The following RGSL1 variants were observed in gnomAD, a reference collection of about 807,000 sequenced individuals.
The protein encoded by RGSL1 is regulator of G protein signaling like 1, also known as regulator of G protein signaling protein-like.
In RGSL1, 97 loss-of-function variants were observed where a neutral mutation model predicts 124.7. The ratio of observed to expected loss-of-function variants is 0.78; its 90% CI spans 0.66 to 0.92. The LOEUF is 0.92. RGSL1 is among the 40% of genes least tolerant of loss of function. The pLI is 0.00. For synonymous variants in RGSL1, 424 were observed against 438.1 expected (o/e 0.97, Z 0.40); for missense variants, 1,233 against 1,288.4 (o/e 0.96, Z 0.66).
chr1:182,501,238 G>T (rs146989477), intron 9 of RGSL1, among the ~76,000 whole-genome samples: 9 of 140,556 alleles, frequency 6.4e-5, no homozygotes, highest in African/African-American at 2.4e-4. Context: ...CAATTGAGAT[G>T]ATTTTCGTCC....
At position 182,554,846 on chromosome 1, in the gene RGSL1, G is replaced by T. The variant is rs554946833; in HGVS notation, c.3197+153G>T. On this transcript the variant is annotated intron_variant, in intron 20 of 21. Coordinates refer to ENST00000294854, the MANE Select transcript of RGSL1 (RefSeq NM_001137669.2). Reference sequence around the variant, plus strand: ...AAACTGAGCTTGCTGCCTCTGGTGGGAAGTTAAAGAGGTGTTTCTCTGTGG... The same window carrying T: ...AAACTGAGCTTGCTGCCTCTGGTGGTAAGTTAAAGAGGTGTTTCTCTGTGG... 26 of 716,126 alleles carry T rather than the reference G, an allele frequency of 3.6e-5. No homozygotes were observed. In the African/African-American group the frequency reaches 4.1e-4, roughly 11 times the overall value. 44.4% of individuals were successfully genotyped at this position (716,126 alleles called of 1,614,324 possible).
chr1:182,490,027 T>G (rs1655402665), intron 8 of RGSL1, among the ~76,000 whole-genome samples: 3 of 152,194 alleles, frequency 2.0e-5, no homozygotes, highest in Admixed American at 2.0e-4. Flanking sequence ...TATATACCTG[T>G]GTATATGTGT....
Position 182,554,523 on chromosome 1 carries a change from G to T in RGSL1, c.3131-104G>T. The T allele has an allele frequency of 3.3e-6, 3 of 916,196 alleles. No homozygotes were observed. In the South Asian group the frequency reaches 4.3e-5, roughly 13 times the overall value. 56.8% of individuals were successfully genotyped at this position (916,196 alleles called of 1,614,324 possible). A position where few individuals can be genotyped will look rare whatever the true frequency, so the allele number is the denominator to read the frequency against. On this transcript the variant is annotated intron_variant, in intron 19 of 21. Transcript: ENST00000294854. ...ACTTTCCAACCCCTACATTGGAGGT[G>T]TCCGTGGAAGCCCACCCAGCATGGT...
chr1:182,459,164 A>C (rs1652597050), intron 3 of RGSL1, among the ~76,000 whole-genome samples: 1 of 152,204 alleles, frequency 6.6e-6, no homozygotes, highest in African/African-American at 2.4e-5. Flanking sequence ...ATATACATCA[A>C]GATAAGATGC....
intron 6 of RGSL1, among the ~76,000 whole-genome samples, chr1:182,486,484 G>A (rs1390748185): frequency 6.6e-6 from 1 of 151,526 alleles, no homozygotes; most frequent in Non-Finnish European, 1.5e-5. Flanking sequence ...CCTCCCATAG[G>A]TGCACGCCAC....
intron 1 of RGSL1, among the ~76,000 whole-genome samples, chr1:182,452,292 G>C (rs536420736): frequency 1.3e-5 from 2 of 152,122 alleles, no homozygotes; most frequent in Non-Finnish European, 2.9e-5. Context: ...ATATGGAATA[G>C]ATTAAATAAA....
chr1:182,494,642 G>C (rs1282671344), intron 9 of RGSL1, among the ~76,000 whole-genome samples: 1 of 152,084 alleles, frequency 6.6e-6, no homozygotes, highest in African/African-American at 2.4e-5. Flanking sequence ...GATGGTAAAT[G>C]GAACACTTCT....
chr1:182,487,741 C>T (rs966042802), intron 6 of RGSL1, among the ~76,000 whole-genome samples: 2 of 152,196 alleles, frequency 1.3e-5, no homozygotes, highest in Admixed American at 6.5e-5. Flanking sequence ...GTGCCTGACA[C>T]ATAGGAGGCA....
At chr1:182,461,517 T>A (rs2102000349) in intron 4 of RGSL1, among the ~76,000 whole-genome samples, 1 of 151,718 alleles carries the variant, frequency 6.6e-6, no homozygotes, top group Middle Eastern at 3.4e-3. Flanking sequence ...CTAAAGAAGC[T>A]GTCCTTGAGA....
chr1:182,501,773 G>A lies in RGSL1; in HGVS notation c.1825+8644G>A, dbSNP rs979086534. Among the ~76,000 whole-genome samples, 9 of 152,258 alleles carry A rather than the reference G, an allele frequency of 5.9e-5. 1 individual carries two copies. The highest frequency in any genetic ancestry group is 3.4e-3 in the Middle Eastern group (1 of 294). ...TAGGATCATGCTGACCTCAGAATGA[G>A]TTAGGAAGCATCTCCTCCTCTTCAA... On this transcript the variant is annotated intron_variant, in intron 9 of 21. Transcript: ENST00000294854.
intron 9 of RGSL1, among the ~76,000 whole-genome samples, chr1:182,515,591 T>C (rs947372426): frequency 3.3e-5 from 5 of 151,296 alleles, no homozygotes; most frequent in African/African-American, 9.7e-5. Context: ...GAAGAACTTC[T>C]TGCTTTGAGC....
chr1:182,536,403 G>T (rs1368583798), intron 14 of RGSL1, among the ~76,000 whole-genome samples: 1 of 152,128 alleles, frequency 6.6e-6, no homozygotes, highest in Non-Finnish European at 1.5e-5. Context: ...TACCATTTTT[G>T]CATTTTCACC....
intron 6 of RGSL1, among the ~76,000 whole-genome samples, chr1:182,479,761 CAGAT>C (rs764436033): frequency 1.0e-3 from 152 of 152,208 alleles, no homozygotes; most frequent in Admixed American, 2.2e-3. Flanking sequence ...TTTAAGAACA[CAGAT>C]AGGCTGAAAG....
chr1:182,557,039 T>C (rs1304601245), intron 21 of RGSL1, among the ~76,000 whole-genome samples: 1 of 152,158 alleles, frequency 6.6e-6, no homozygotes, highest in Admixed American at 6.5e-5. Context: ...AAAAAGGTGA[T>C]GTTGGAGCAG....
chr1:182,509,546 G>A (rs77758679), intron 9 of RGSL1, among the ~76,000 whole-genome samples: 78 of 91,644 alleles, frequency 8.5e-4, no homozygotes, highest in African/African-American at 3.3e-3. Flanking sequence ...GGGGGCTGAC[G>A]CCCCCATCTC....
chr1:182,519,011 G>GGC (rs71573275), intron 9 of RGSL1, among the ~76,000 whole-genome samples: 1 of 126,864 alleles, frequency 7.9e-6, no homozygotes, highest in African/African-American at 4.2e-5. Flanking sequence ...AGATTAAAAT[G>GGC]GGGGGGGGTA....
chr1:182,481,798 G>A (rs1207615821), intron 6 of RGSL1, among the ~76,000 whole-genome samples: 3 of 152,096 alleles, frequency 2.0e-5, no homozygotes, highest in Non-Finnish European at 4.4e-5. Context: ...TAGGCAACAT[G>A]ACAAAACTCT....
chr1:182,505,880 A>C (rs1354122788), intron 9 of RGSL1, among the ~76,000 whole-genome samples: 1 of 152,184 alleles, frequency 6.6e-6, no homozygotes, highest in African/African-American at 2.4e-5. Context: ...TGAATTAGCT[A>C]ATTCTACAAG....
At chr1:182,501,307 C>CTTTTTTTTTT (rs141279993) in intron 9 of RGSL1, among the ~76,000 whole-genome samples, 6 of 61,334 alleles carry the variant, frequency 9.8e-5, no homozygotes, top group African/African-American at 1.3e-4. Flanking sequence ...TTTTTCTTTT[C>CTTTTTTTTTT]TTTTTTTTTT....
Sources: gnomAD v4.1 joint callset for allele counts (sites outside exome capture counted in the v4.1 genomes callset) on GRCh38, gnomAD v4.1.1 for gene constraint, MANE v1.5 for transcripts, NCBI Gene and HGNC (gene_info 2026-07-23, HGNC 2026-07-21) for gene names.